HUWE1: variants seen among roughly 807,000 people sequenced by gnomAD.
HUWE1 encodes E3 ubiquitin-protein ligase HUWE1.
In HUWE1, 18 loss-of-function variants were observed where a neutral mutation model predicts 299.4. That is an observed-to-expected ratio of 0.06 (90% confidence interval 0.04 to 0.09). The LOEUF (loss-of-function observed/expected upper bound fraction) is 0.09. Ranked by LOEUF, HUWE1 falls within the 10% of genes least tolerant of loss-of-function variation. The probability of loss-of-function intolerance (pLI) is 1.00; values close to 1 mark genes in which losing one functional copy is unlikely to be tolerated. For synonymous variants in HUWE1, 1,317 were observed against 1,286.1 expected, an observed-to-expected ratio of 1.02 and a Z score of -0.51; for missense variants, 1,832 against 3,462.3, an observed-to-expected ratio of 0.53 and a Z score of 11.82.
chrX:53,680,884 A>C, intron 2 of HUWE1, among the ~76,000 whole-genome samples: 1 of 103,090 alleles, frequency 9.7e-6, no homozygotes, highest in Non-Finnish European at 2.0e-5. Context: ...AATGGAAGAA[A>C]ATTTTATTAC....
chrX:53,654,028 G>C, intron 4 of HUWE1, 35 bp downstream of exon 4: 3 of 1,063,704 alleles, frequency 2.8e-6, no homozygotes, highest in South Asian at 1.9e-5. Context: ...TTTTAATGAA[G>C]AAAAAATAAG....
chrX:53,624,689 GAAC>G lies in HUWE1; in HGVS notation c.1592-17_1592-15del. The G allele has an allele frequency of 9.0e-7, 1 of 1,111,732 alleles. No individual in the cohort carries two copies. Among genetic ancestry groups the G allele is most frequent in the Non-Finnish European group, 1.2e-6 (1 of 804,693 alleles). The allele number at this position is 1,111,732 out of a possible 1,213,427, so 91.6% of individuals were successfully genotyped here. ...AACCATCCATCACTAAAAGAAAAGT[GAAC>G]ATTATGGAGAATACGAATAGTCTGG... On this transcript the variant is annotated splice_polypyrimidine_tract_variant and intron_variant, in intron 18 of 83. Transcript: ENST00000262854.
chrX:53,639,228 A>G (rs2067413006), intron 7 of HUWE1, among the ~76,000 whole-genome samples: 1 of 112,212 alleles, frequency 8.9e-6, no homozygotes, highest in South Asian at 3.7e-4. Context: ...CTAATGGCCA[A>G]GCATAAAGAT....
At chrX:53,679,915 C>A in intron 3 of HUWE1, 134 bp downstream of exon 3, 1 of 291,008 alleles carries the variant, frequency 3.4e-6, no homozygotes, top group Admixed American at 6.1e-5. Flanking sequence ...AAGAAGCAAC[C>A]AGTACCACAT....
chrX:53,545,231 C>CT, intron 70 of HUWE1, 70 bp from the exon 71 acceptor site: 1 of 1,031,629 alleles, frequency 9.7e-7, no homozygotes, highest in South Asian at 2.0e-5. Context: ...CCAAATCTCT[C>CT]TAAGACACCT....
chrX:53,660,234 A>G lies in HUWE1; in HGVS notation c.-24-6103T>C, dbSNP rs2068931561. On this transcript the variant is annotated intron_variant, in intron 3 of 83. Transcript: ENST00000262854. ...AGCTTGGGGTACTTCTGCTGCCAAC[A>G]CAAGACTCTGGATGCCTAGAAACTA... Among the ~76,000 whole-genome samples, 3 of 112,089 alleles carry G rather than the reference A, an allele frequency of 2.7e-5. No homozygotes were observed. The South Asian group carries it at 1.1e-3, about 42-fold the overall frequency.
chrX:53,608,151 A>AT (rs782249255), intron 24 of HUWE1, among the ~76,000 whole-genome samples: 60 of 112,114 alleles, frequency 5.4e-4, no homozygotes, highest in African/African-American at 1.9e-3. Flanking sequence ...CAAACAAAGA[A>AT]TTTTTTTAAG....
chrX:53,578,628 TG>T (rs1556962475), intron 43 of HUWE1, among the ~76,000 whole-genome samples: 1 of 52,555 alleles, frequency 1.9e-5, no homozygotes, highest in African/African-American at 7.9e-5. Context: ...GGGAGGGAGG[TG>T]GGGGAGTCAG....
chrX:53,536,716 T>A lies in HUWE1; in HGVS notation c.12138-49A>T, dbSNP rs782582864. 2.8e-6 allele frequency: 3 copies of A among 1,068,315 alleles called. No individual in the cohort carries two copies. In the East Asian group the frequency reaches 9.1e-5, roughly 32 times the overall value. 88.0% of individuals were successfully genotyped at this position (1,068,315 alleles called of 1,213,427 possible). A position where few individuals can be genotyped will look rare whatever the true frequency, so the allele number is the denominator to read the frequency against. On this transcript the variant is annotated intron_variant, in intron 78 of 83. Transcript: ENST00000262854. The stretch of plus-strand genomic sequence containing the variant: ...AAAGAGCTGTGCAGAAAACCCAGGA[T>A]ACATCCAGTCATTTGTGTGAGTGAG...
In HUWE1 at chrX:53,624,643, G is replaced by A; in HGVS notation, c.1624C>T (p.His542Tyr). Residue 542 changes from histidine (H) to tyrosine (Y), a missense_variant, in exon 19 of 84, where the codon CAC becomes TAC. Around this residue, in one of 15 missense-constraint regions of HUWE1, gnomAD observed 658 missense variants for 1,282.6 expected, o/e 0.51. Coordinates refer to ENST00000262854, the MANE Select transcript of HUWE1 (RefSeq NM_031407.7). Reference sequence around the variant, plus strand: ...TAGTATTCTGCATTGCTGATGATGTGTTTCAGGGAGGTAGGCAGAGAACCA... The same window carrying A: ...TAGTATTCTGCATTGCTGATGATGTATTTCAGGGAGGTAGGCAGAGAACCA... ...MDGSLPTSLK[H>Y]IISNAEYYGP... The A allele has an allele frequency of 8.3e-7, 1 of 1,203,883 alleles. No homozygotes were observed. Among genetic ancestry groups the A allele is most frequent in the Non-Finnish European group, 1.1e-6 (1 of 888,267 alleles).
At chrX:53,632,715 CTGTT>C (rs1173764945) in intron 8 of HUWE1, 151 bp from the exon 9 acceptor site, 1 of 491,071 alleles carries the variant, frequency 2.0e-6, no homozygotes, top group Non-Finnish European at 3.7e-6. Flanking sequence ...GTGCCTTTAA[CTGTT>C]TGTCTTAGAG....
Position 53,594,485 on chromosome X carries a change from A to C in HUWE1, c.3503+14T>G. 1 of 1,209,563 alleles carries C rather than the reference A, an allele frequency of 8.3e-7. No homozygotes were observed. Among genetic ancestry groups the C allele is most frequent in the South Asian group, 1.8e-5 (1 of 56,282 alleles). On this transcript the variant is annotated intron_variant, in intron 31 of 83. Coordinates refer to ENST00000262854, the MANE Select transcript of HUWE1 (RefSeq NM_031407.7). Reference sequence around the variant, plus strand: ...TCCAAGAAATGCTCCTCTGTGAAGCAACTTGATCCTTACTCAAAAAGAGCA... The same window carrying C: ...TCCAAGAAATGCTCCTCTGTGAAGCCACTTGATCCTTACTCAAAAAGAGCA...
At chrX:53,564,486 G>T (rs782547823) in intron 51 of HUWE1, 88 bp downstream of exon 51, 6 of 1,052,463 alleles carry the variant, frequency 5.7e-6, no homozygotes, top group Non-Finnish European at 7.8e-6. Context: ...TTGAGGCAAG[G>T]ATCTAAAGTA....
intron 51 of HUWE1, 72 bp from the exon 52 acceptor site, chrX:53,563,893 A>T: frequency 1.9e-6 from 2 of 1,056,204 alleles, no homozygotes; most frequent in Non-Finnish European, 2.6e-6. Context: ...ACCCTAAAAA[A>T]GGCCAGCAAA....
Position 53,537,540 on chromosome X carries a change from G to T in HUWE1, c.12137+16C>A. 1 of 1,209,321 alleles carries T rather than the reference G, an allele frequency of 8.3e-7. No homozygotes were observed. Among genetic ancestry groups the T allele is most frequent in the Non-Finnish European group, 1.1e-6 (1 of 894,045 alleles). The stretch of plus-strand genomic sequence containing the variant: ...ACCTCCCACCCGCCATCTTTTCTCC[G>T]TTCCTGGGCCCTTACAATCGATTCT... On this transcript the variant is annotated intron_variant, in intron 78 of 83. Transcript: ENST00000262854.
Position 53,554,823 on chromosome X carries a change from T to C in HUWE1, c.8304A>G (p.Ser2768=). ...GGGTTGGGAGTGTTGGTTGCTGTTG[T>C]GAGGATTGCAGAGTGCCAAGGGTCT... The part of the protein sequence containing the change: ...SKETLGTLQS[S]QQQPTLPTPP... Residue 2768 remains serine, a synonymous_variant, in exon 61 of 84, where the codon TCA becomes TCG. Coordinates refer to ENST00000262854, the MANE Select transcript of HUWE1 (RefSeq NM_031407.7). The C allele has an allele frequency of 8.3e-7, 1 of 1,211,036 alleles. No individual in the cohort carries two copies. Among genetic ancestry groups the C allele is most frequent in the Non-Finnish European group, 1.1e-6 (1 of 895,046 alleles).
chrX:53,536,739 G>A, intron 78 of HUWE1, 72 bp from the exon 79 acceptor site: 1 of 927,196 alleles, frequency 1.1e-6, no homozygotes, highest in Non-Finnish European at 1.5e-6. Context: ...TTGTGTGAGT[G>A]AGAGACTGTG....
In HUWE1 at chrX:53,583,553, C is replaced by T. The variant is rs782010203; in HGVS notation, c.5520+5G>A. 3 of 1,149,821 alleles carry T rather than the reference C, an allele frequency of 2.6e-6. No homozygotes were observed. Among genetic ancestry groups the T allele is most frequent in the Admixed American group, 2.2e-5 (1 of 45,713 alleles). 94.8% of individuals were successfully genotyped at this position (1,149,821 alleles called of 1,213,427 possible). A position where few individuals can be genotyped will look rare whatever the true frequency, so the allele number is the denominator to read the frequency against. ...AAACCAGAATCTGATACAAAACACA[C>T]TCACCTTTTCCATGGTATGACGAAG... is the stretch of plus-strand genomic sequence containing the variant. On this transcript the variant is annotated splice_donor_5th_base_variant and intron_variant, in intron 42 of 83. Transcript: ENST00000262854.
In HUWE1 at chrX:53,594,493, C is replaced by T. The variant is rs782560521; in HGVS notation, c.3503+6G>A. On this transcript the variant is annotated splice_donor_region_variant and intron_variant, in intron 31 of 83. Coordinates refer to ENST00000262854, the MANE Select transcript of HUWE1 (RefSeq NM_031407.7). Reference sequence around the variant, plus strand: ...ATGCTCCTCTGTGAAGCAACTTGATCCTTACTCAAAAAGAGCATTGTGGCC... The same window carrying T: ...ATGCTCCTCTGTGAAGCAACTTGATTCTTACTCAAAAAGAGCATTGTGGCC... 1 of 1,208,195 alleles carries T rather than the reference C, an allele frequency of 8.3e-7. No individual in the cohort carries two copies. The highest frequency in any genetic ancestry group is 3.0e-5 in the East Asian group (1 of 33,756).
Sources: gnomAD v4.1 joint callset for allele counts (sites outside exome capture counted in the v4.1 genomes callset) on GRCh38, gnomAD v4.1.1 for gene constraint, gnomAD v4.1.1 regional missense constraint, MANE v1.5 for transcripts, NCBI Gene and HGNC (gene_info 2026-07-23, HGNC 2026-07-21) for gene names.